The following PHACTR1 variants were observed in gnomAD, a reference collection of about 807,000 sequenced individuals.
The protein encoded by PHACTR1 is phosphatase and actin regulator 1.
A neutral mutation model predicts 69.2 loss-of-function variants in PHACTR1; 16 were observed. That is an observed-to-expected ratio of 0.23 (90% CI 0.16 to 0.35). The LOEUF is 0.35. Ranked by LOEUF, PHACTR1 falls within the 10% of genes least tolerant of loss-of-function variation. PHACTR1 has a pLI of 1.00. For synonymous variants in PHACTR1, 312 were observed against 284.5 expected, an observed-to-expected ratio of 1.10 and a Z score of -0.97; for missense variants, 510 against 734.7, an observed-to-expected ratio of 0.69 and a Z score of 3.54.
intron 7 of PHACTR1, among the ~76,000 whole-genome samples, chr6:13,198,634 AC>A (rs1419895805): frequency 1.3e-5 from 2 of 151,704 alleles, no homozygotes; most frequent in African/African-American, 2.4e-5. Flanking sequence ...AAAAAAAAAA[AC>A]GAAAGAAAAG....
chr6:12,790,394 G>A (rs992334380), intron 4 of PHACTR1, among the ~76,000 whole-genome samples: 3 of 152,162 alleles, frequency 2.0e-5, no homozygotes, highest in African/African-American at 7.2e-5. Context: ...TGCCTGGAAT[G>A]CTCTTTTCCA....
At chr6:12,976,837 C>T (rs1351942637) in intron 4 of PHACTR1, among the ~76,000 whole-genome samples, 3 of 152,082 alleles carry the variant, frequency 2.0e-5, no homozygotes, top group Admixed American at 2.0e-4. Context: ...ACTGATTTTA[C>T]TTAATTGCTC....
intron 3 of PHACTR1, among the ~76,000 whole-genome samples, chr6:12,731,576 A>T (rs1763530865): frequency 6.6e-6 from 1 of 152,224 alleles, no homozygotes; most frequent in East Asian, 1.9e-4. Flanking sequence ...GAGTAAGCAG[A>T]CTCAGACTAT....
chr6:13,169,126 G>A (rs1367210951), intron 6 of PHACTR1, among the ~76,000 whole-genome samples: 3 of 152,132 alleles, frequency 2.0e-5, no homozygotes, highest in African/African-American at 7.2e-5. Flanking sequence ...AGGAGGTGAG[G>A]TCTAAAGGGA....
intron 5 of PHACTR1, among the ~76,000 whole-genome samples, chr6:13,119,639 A>C (rs1937768): frequency 6.6e-6 from 1 of 152,056 alleles, no homozygotes; most frequent in African/African-American, 2.4e-5. Flanking sequence ...CCTACTGAGG[A>C]GGAGGTTCAG....
intron 4 of PHACTR1, among the ~76,000 whole-genome samples, chr6:12,942,727 A>T (rs1347949130): frequency 6.6e-6 from 1 of 152,168 alleles, no homozygotes. Flanking sequence ...ATACAGTCCA[A>T]CTCCAATGCC....
intron 10 of PHACTR1, among the ~76,000 whole-genome samples, chr6:13,269,361 G>A (rs941683655): frequency 5.9e-5 from 9 of 152,170 alleles, no homozygotes; most frequent in South Asian, 2.1e-4. Flanking sequence ...CTCTGACACC[G>A]GCTCACTCAG....
intron 2 of PHACTR1, among the ~76,000 whole-genome samples, 181 bp downstream of exon 2, chr6:12,717,924 A>G (rs475543): frequency 0.52 from 78,322 of 151,998 alleles, 21,147 homozygotes; most frequent in East Asian, 0.87. Context: ...CTGCAGAAAT[A>G]GAGATAATTC....
intron 10 of PHACTR1, among the ~76,000 whole-genome samples, chr6:13,235,072 A>T (rs1333600474): frequency 1.3e-5 from 2 of 152,156 alleles, no homozygotes; most frequent in African/African-American, 4.8e-5. Flanking sequence ...ACCTATGGGG[A>T]CATTTGCTTA....
At chr6:12,917,093 C>T (rs1322296267) in intron 4 of PHACTR1, among the ~76,000 whole-genome samples, 3 of 152,174 alleles carry the variant, frequency 2.0e-5, no homozygotes, top group Admixed American at 2.0e-4. Flanking sequence ...GCAAGTGTGC[C>T]AGCCTCCAAG....
intron 4 of PHACTR1, among the ~76,000 whole-genome samples, chr6:12,750,749 A>G (rs1273709323): frequency 6.6e-6 from 1 of 152,182 alleles, no homozygotes; most frequent in African/African-American, 2.4e-5. Flanking sequence ...TATCACTGGG[A>G]AGAAGTTGTT....
At chr6:12,839,241 T>A (rs1778457676) in intron 4 of PHACTR1, among the ~76,000 whole-genome samples, 1 of 152,290 alleles carries the variant, frequency 6.6e-6, no homozygotes, top group Non-Finnish European at 1.5e-5. Flanking sequence ...CTAAATACTC[T>A]TTTCAAAATG....
At chr6:13,113,945 C>A (rs1359891887) in intron 5 of PHACTR1, among the ~76,000 whole-genome samples, 1 of 152,056 alleles carries the variant, frequency 6.6e-6, no homozygotes, top group Admixed American at 6.6e-5. Context: ...GGAGAAAAAG[C>A]AATAAAACTA....
intron 10 of PHACTR1, among the ~76,000 whole-genome samples, chr6:13,237,194 C>T (rs1162408464): frequency 6.6e-6 from 1 of 151,980 alleles, no homozygotes; most frequent in African/African-American, 2.4e-5. Context: ...CTGGACAACA[C>T]AGACCCCATG....
At position 13,246,617 on chromosome 6, in the gene PHACTR1, C is replaced by T. The variant is rs747600875; in HGVS notation, c.1391+16424C>T. ...TGTTTCAGTGGTGAAGTTGGCATTT[C>T]CAGTCTATAATTTCCATTGCATATA... On this transcript the variant is annotated intron_variant, in intron 10 of 14. Coordinates refer to ENST00000332995, the MANE Select transcript of PHACTR1 (RefSeq NM_030948.6). The surrounding 1 kb of genome is among the most constrained non-coding windows in gnomAD (Gnocchi z 4.2). Among the ~76,000 whole-genome samples the T allele has an allele frequency of 6.6e-6, 1 of 152,142 alleles. No individual in the cohort carries two copies. The highest frequency in any genetic ancestry group is 2.4e-5 in the African/African-American group (1 of 41,420).
At chr6:12,773,874 C>T (rs1561869179) in intron 4 of PHACTR1, among the ~76,000 whole-genome samples, 1 of 152,094 alleles carries the variant, frequency 6.6e-6, no homozygotes, top group Non-Finnish European at 1.5e-5. Context: ...TAGGGTAGAA[C>T]ATAGTTGTCA....
rs189593231 is a variant in PHACTR1 at position 12,985,558 on chromosome 6, A to G, written c.251-67807A>G. On this transcript the variant is annotated intron_variant, in intron 4 of 14. Coordinates refer to ENST00000332995, the MANE Select transcript of PHACTR1 (RefSeq NM_030948.6). ...AAAAAAAAAATATATATATATATATATATACACAGAGAGAGAGAGTCATAC... is the reference window on the plus strand; with the variant it reads ...AAAAAAAAAATATATATATATATATGTATACACAGAGAGAGAGAGTCATAC... 6.0e-4 allele frequency among the ~76,000 whole-genome samples: 89 copies of G among 148,188 alleles called. 2 individuals carry two copies. In the East Asian group the frequency reaches 9.5e-3, roughly 16 times the overall value.
chr6:13,285,250 G>GCC (rs1179859279), intron 13 of PHACTR1, among the ~76,000 whole-genome samples: 3 of 152,152 alleles, frequency 2.0e-5, no homozygotes, highest in Non-Finnish European at 2.9e-5. Context: ...GGTGACCCCT[G>GCC]CCCCCACCCC....
At chr6:13,184,621 C>T (rs1360240318) in intron 7 of PHACTR1, among the ~76,000 whole-genome samples, 1 of 152,224 alleles carries the variant, frequency 6.6e-6, no homozygotes, top group Non-Finnish European at 1.5e-5. Context: ...TCTCTCTGTC[C>T]TCCTGCTTCA....
Sources: allele counts gnomAD v4.1 joint callset (sites outside exome capture counted in the v4.1 genomes callset), GRCh38; gene constraint gnomAD v4.1.1; non-coding constraint Gnocchi (gnomAD v3.1); transcripts MANE v1.5; gene names NCBI Gene and HGNC (gene_info 2026-07-23, HGNC 2026-07-21).